CALCR: variants seen among roughly 807,000 people sequenced by gnomAD.
CALCR encodes the protein calcitonin receptor.
CALCR carries 47 observed loss-of-function variants against 59.5 expected under a neutral mutation model. The observed-to-expected ratio is 0.79, with a 90% confidence interval of 0.63 to 1.01. CALCR has a LOEUF of 1.01. CALCR is among the 50% of genes least tolerant of loss of function. The pLI, the probability that CALCR is intolerant of heterozygous loss-of-function variation, is 0.00. For synonymous variants in CALCR, 213 were observed against 211.3 expected, an observed-to-expected ratio of 1.01 and a Z score of -0.07; for missense variants, 566 against 597.1, an observed-to-expected ratio of 0.95 and a Z score of 0.54.
chr7:93,528,098 G>C (rs1788718433), intron 2 of CALCR, among the ~76,000 whole-genome samples: 1 of 152,040 alleles, frequency 6.6e-6, no homozygotes, highest in Admixed American at 6.6e-5. Flanking sequence ...TGATACCTTT[G>C]ATTAGTCCAA....
intron 2 of CALCR, among the ~76,000 whole-genome samples, chr7:93,492,769 A>G (rs1801112317): frequency 1.3e-5 from 2 of 151,336 alleles, no homozygotes; most frequent in African/African-American, 4.8e-5. Flanking sequence ...AGGGCCTTAT[A>G]AGATGGTTAT....
rs139381228 is a variant in CALCR, at chr7:93,439,515, G to A, written c.803-1245C>T. ...AGTGCTTTCTACTTCATCTGGAGAC[G>A]AGTATAGACCCCACACCTTTTAACG... On this transcript the variant is annotated intron_variant, in intron 9 of 13. Transcript: ENST00000426151. 1.5e-3 allele frequency among the ~76,000 whole-genome samples: 223 copies of A among 152,204 alleles called. 2 individuals are homozygous for A. Among genetic ancestry groups the A allele is most frequent in the African/African-American group, 5.1e-3 (213 of 41,558 alleles).
intron 2 of CALCR, among the ~76,000 whole-genome samples, chr7:93,503,095 GT>G (rs527320676): frequency 6.6e-6 from 1 of 151,966 alleles, no homozygotes. Flanking sequence ...CCAAATCTCA[GT>G]TTTTTAAAAG....
intron 2 of CALCR, among the ~76,000 whole-genome samples, chr7:93,489,127 A>G (rs1801016975): frequency 6.6e-6 from 1 of 151,986 alleles, no homozygotes; most frequent in African/African-American, 2.4e-5. Context: ...AAACCACACA[A>G]TTACATGGAA....
chr7:93,487,058 T>G, intron 2 of CALCR, 51 bp from the exon 3 acceptor site: 2 of 922,686 alleles, frequency 2.2e-6, no homozygotes, highest in South Asian at 3.0e-5. Flanking sequence ...TCTCTAATAT[T>G]GGCTATGGCA....
chr7:93,562,799 G>A (rs928678284), intron 2 of CALCR, among the ~76,000 whole-genome samples: 1 of 152,030 alleles, frequency 6.6e-6, no homozygotes, highest in Non-Finnish European at 1.5e-5. Flanking sequence ...TAATTCATGG[G>A]GAAATTGGAT....
intron 2 of CALCR, among the ~76,000 whole-genome samples, chr7:93,488,835 A>G (rs1174669887): frequency 6.6e-6 from 1 of 151,294 alleles, no homozygotes; most frequent in Non-Finnish European, 1.5e-5. Flanking sequence ...ACATTCTACT[A>G]CCAATATTAG....
intron 2 of CALCR, among the ~76,000 whole-genome samples, chr7:93,533,595 G>T (rs1482804715): frequency 6.6e-6 from 1 of 151,808 alleles, no homozygotes; most frequent in African/African-American, 2.4e-5. Context: ...TTGAAGGAAA[G>T]ACTTTTTAAA....
chr7:93,470,415 C>T (rs1385829942), intron 6 of CALCR, among the ~76,000 whole-genome samples: 2 of 151,738 alleles, frequency 1.3e-5, no homozygotes, highest in Admixed American at 1.3e-4. Context: ...ACTCTTGCCC[C>T]TTAATTAATT....
intron 2 of CALCR, among the ~76,000 whole-genome samples, chr7:93,500,854 A>T (rs1801307232): frequency 6.6e-6 from 1 of 152,026 alleles, no homozygotes; most frequent in Admixed American, 6.6e-5. Flanking sequence ...TTGCTCCTGC[A>T]TTTCCAATTT....
At position 93,479,427 on chromosome 7, in the gene CALCR, T is replaced by C; in HGVS notation, c.132A>G (p.Gly44=). Residue 44 remains glycine (G), a synonymous_variant, in exon 4 of 14, where the codon GGA becomes GGG. Transcript: ENST00000426151. The part of the protein sequence containing the change: ...IEPKPFLYVV[G]RKKMMDAQYK... ...ACTGTGCATCCATCATCTTCTTTCG[T>C]CCTACGACGTAAAGAAATGGCTTGG... is the stretch of plus-strand genomic sequence containing the variant. The C allele has an allele frequency of 6.2e-7, 1 of 1,612,628 alleles. No individual in the cohort carries two copies.
At chr7:93,553,660 T>A in intron 2 of CALCR, among the ~76,000 whole-genome samples, 1 of 152,144 alleles carries the variant, frequency 6.6e-6, no homozygotes, top group East Asian at 1.9e-4. Flanking sequence ...ATGGGGCTAA[T>A]AACAGCATAT....
At chr7:93,569,232 C>A (rs1317410448) in intron 2 of CALCR, among the ~76,000 whole-genome samples, 2 of 152,014 alleles carry the variant, frequency 1.3e-5, no homozygotes, top group African/African-American at 4.8e-5. Flanking sequence ...ACCAAAATGG[C>A]AAATCTGATT....
rs184244430 is a variant in CALCR at position 93,477,864 on chromosome 7, T to C, written c.206-196A>G. 4.7e-5 allele frequency among the ~76,000 whole-genome samples: 7 copies of C among 149,056 alleles called. No homozygotes were observed. In the East Asian group the frequency reaches 8.0e-4, roughly 17 times the overall value. On this transcript the variant is annotated intron_variant, in intron 4 of 13. Coordinates refer to ENST00000426151, the MANE Select transcript of CALCR (RefSeq NM_001742.4). The stretch of plus-strand genomic sequence containing the variant: ...GCATATCTGTGACCAAATTATCTCA[T>C]TGGATGACAAGCAGGGTTCTATTTC...
intron 2 of CALCR, among the ~76,000 whole-genome samples, chr7:93,549,600 A>C (rs889246080): frequency 6.6e-6 from 1 of 152,232 alleles, no homozygotes; most frequent in African/African-American, 2.4e-5. Context: ...TTTGTGGTTA[A>C]GGTATCAAAA....
chr7:93,568,303 C>T (rs191045186), intron 2 of CALCR, among the ~76,000 whole-genome samples: 11 of 152,208 alleles, frequency 7.2e-5, no homozygotes, highest in South Asian at 2.1e-4. Context: ...GTAAGGCAGG[C>T]GTCTCAAACT....
chr7:93,482,243 C>T (rs375321441), intron 3 of CALCR, among the ~76,000 whole-genome samples: 2 of 151,864 alleles, frequency 1.3e-5, no homozygotes, highest in African/African-American at 4.8e-5. Context: ...ATTAGGCAAC[C>T]ATCAAAACAA....
intron 2 of CALCR, among the ~76,000 whole-genome samples, chr7:93,550,362 A>G (rs889735608): frequency 2.0e-5 from 3 of 151,510 alleles, no homozygotes; most frequent in Admixed American, 6.6e-5. Flanking sequence ...CTGGTGGTGC[A>G]TGCCTATAAT....
intron 2 of CALCR, among the ~76,000 whole-genome samples, chr7:93,502,881 A>G (rs1484169086): frequency 1.3e-5 from 2 of 152,076 alleles, no homozygotes; most frequent in Non-Finnish European, 1.5e-5. Context: ...TTGTAAATAT[A>G]TATTTATATA....
Sources: allele counts gnomAD v4.1 joint callset (sites outside exome capture counted in the v4.1 genomes callset), GRCh38; gene constraint gnomAD v4.1.1; transcripts MANE v1.5; gene names NCBI Gene and HGNC (gene_info 2026-07-23, HGNC 2026-07-21).